COMMD10: variants seen among roughly 807,000 people sequenced by gnomAD.
COMMD10 encodes COMM domain containing 10, also known as COMM domain-containing protein 10.
COMMD10 carries 33 observed loss-of-function variants against 28.9 expected under a neutral mutation model. The observed-to-expected ratio is 1.14, with a 90% CI of 0.87 to 1.53. The LOEUF (loss-of-function observed/expected upper bound fraction) is 1.53. COMMD10 is among the 40% of genes most tolerant of loss of function. COMMD10 has a pLI of 0.00. For missense variants in COMMD10, 310 were observed against 233.4 expected (o/e 1.33, Z -2.14); for synonymous variants, 110 against 81.7 (o/e 1.35, Z -1.87).
chr5:116,222,132 A>AT (rs1749276215), intron 5 of COMMD10, among the ~76,000 whole-genome samples: 1 of 152,190 alleles, frequency 6.6e-6, no homozygotes, highest in Non-Finnish European at 1.5e-5. Context: ...TTAGGGAAGG[A>AT]CACAGAGCAT....
At position 116,209,126 on chromosome 5, in the gene COMMD10, TTTTC is replaced by T. The variant is rs574961604; in HGVS notation, c.510+74952_510+74955del. 2.6e-4 allele frequency among the ~76,000 whole-genome samples: 39 copies of T among 152,282 alleles called. No homozygotes were observed. The South Asian group carries it at 7.9e-3, about 31-fold the overall frequency. Reference sequence around the variant, plus strand: ...AGCGATACGTTTAGATCAACTTTTTTTTTCTTTTTGTTTGTAGTTTGCACATTAT... The same window carrying T: ...AGCGATACGTTTAGATCAACTTTTTTTTTTTGTTTGTAGTTTGCACATTAT... On this transcript the variant is annotated intron_variant, in intron 5 of 6. Transcript: ENST00000274458.
At chr5:116,145,792 C>A (rs562726148) in intron 5 of COMMD10, among the ~76,000 whole-genome samples, 6 of 151,814 alleles carry the variant, frequency 4.0e-5, no homozygotes, top group East Asian at 3.9e-4. Context: ...GGGGCTCTTA[C>A]CCCTTTGCTC....
intron 5 of COMMD10, among the ~76,000 whole-genome samples, chr5:116,219,389 G>A (rs1188522719): frequency 6.6e-6 from 1 of 152,116 alleles, no homozygotes; most frequent in Admixed American, 6.5e-5. Context: ...GACTGTGTAA[G>A]CATTACCTTA....
intron 5 of COMMD10, among the ~76,000 whole-genome samples, chr5:116,217,617 A>C (rs1406431799): frequency 6.6e-6 from 1 of 152,222 alleles, no homozygotes; most frequent in African/African-American, 2.4e-5. Context: ...CAATGACTGG[A>C]GGTCAGGTCC....
chr5:116,258,194 A>G (rs984200746), intron 5 of COMMD10, among the ~76,000 whole-genome samples: 1 of 151,698 alleles, frequency 6.6e-6, no homozygotes, highest in Non-Finnish European at 1.5e-5. Context: ...AATACATCCA[A>G]AACCTTTTCT....
chr5:116,192,135 C>G (rs573352127), intron 5 of COMMD10, among the ~76,000 whole-genome samples: 1 of 152,026 alleles, frequency 6.6e-6, no homozygotes, highest in Non-Finnish European at 1.5e-5. Flanking sequence ...CAAGGGAACA[C>G]CCCATGGGAC....
intron 4 of COMMD10, among the ~76,000 whole-genome samples, chr5:116,118,511 A>AT (rs201404838): frequency 6.0e-5 from 3 of 50,036 alleles, no homozygotes; most frequent in East Asian, 6.4e-4. Context: ...GAAGAGGGAT[A>AT]TTTTTTTTAT....
chr5:116,163,881 T>G (rs904819705), intron 5 of COMMD10, among the ~76,000 whole-genome samples: 1 of 152,154 alleles, frequency 6.6e-6, no homozygotes, highest in Admixed American at 6.5e-5. Context: ...TGTGTGAAAT[T>G]TATGTATATT....
At chr5:116,203,817 A>G (rs1748739974) in intron 5 of COMMD10, among the ~76,000 whole-genome samples, 1 of 152,142 alleles carries the variant, frequency 6.6e-6, no homozygotes, top group South Asian at 2.1e-4. Flanking sequence ...CGAGACTAGG[A>G]AGAAACTGCA....
rs919917571 is a variant in COMMD10, at chr5:116,244,045, A to G, written c.511-47472A>G. Among the ~76,000 whole-genome samples the G allele has an allele frequency of 5.9e-5, 9 of 152,218 alleles. No individual in the cohort carries two copies. The East Asian group carries it at 1.3e-3, about 23-fold the overall frequency. ...TAAAGATGTCTATACACACACACATATTATATATCTATATATCATGTATTT... is the reference window on the plus strand; with the variant it reads ...TAAAGATGTCTATACACACACACATGTTATATATCTATATATCATGTATTT... On this transcript the variant is annotated intron_variant, in intron 5 of 6. Coordinates refer to ENST00000274458, the MANE Select transcript of COMMD10 (RefSeq NM_016144.4).
chr5:116,105,723 T>C (rs1052450362), intron 4 of COMMD10, among the ~76,000 whole-genome samples: 3 of 152,236 alleles, frequency 2.0e-5, no homozygotes, highest in Non-Finnish European at 4.4e-5. Flanking sequence ...CCATTTCTTC[T>C]AGATTTTCTA....
intron 2 of COMMD10, among the ~76,000 whole-genome samples, chr5:116,089,196 A>G (rs1213699671): frequency 6.6e-6 from 1 of 152,160 alleles, no homozygotes; most frequent in African/African-American, 2.4e-5. Context: ...TAACTCATCT[A>G]ATCCGTATGG....
chr5:116,281,962 A>G (rs1389141953), intron 5 of COMMD10, among the ~76,000 whole-genome samples: 3 of 151,698 alleles, frequency 2.0e-5, no homozygotes, highest in Admixed American at 6.6e-5. Context: ...GGGCAATTTC[A>G]TGTACTTTCA....
chr5:116,283,207 A>T (rs1201471915), intron 5 of COMMD10, among the ~76,000 whole-genome samples: 1 of 151,898 alleles, frequency 6.6e-6, no homozygotes, highest in African/African-American at 2.4e-5. Context: ...CATTCTACCT[A>T]CAACAAAAAC....
At chr5:116,237,928 C>A (rs189773055) in intron 5 of COMMD10, among the ~76,000 whole-genome samples, 6 of 151,952 alleles carry the variant, frequency 3.9e-5, no homozygotes, top group Non-Finnish European at 8.8e-5. Flanking sequence ...AGAATGTCGT[C>A]GTTTCAAAGC....
intron 5 of COMMD10, among the ~76,000 whole-genome samples, chr5:116,221,040 C>G (rs1343886080): frequency 6.6e-6 from 1 of 151,244 alleles, no homozygotes; most frequent in Non-Finnish European, 1.5e-5. Flanking sequence ...TAGAAAACAA[C>G]TTGAACATTA....
chr5:116,089,174 G>T (rs966740336), intron 2 of COMMD10, among the ~76,000 whole-genome samples: 3 of 152,150 alleles, frequency 2.0e-5, no homozygotes, highest in African/African-American at 7.2e-5. Flanking sequence ...GGTGCTAATG[G>T]CTTTGTGTTA....
chr5:116,180,301 C>T (rs1747912932), intron 5 of COMMD10, among the ~76,000 whole-genome samples: 1 of 152,010 alleles, frequency 6.6e-6, no homozygotes, highest in Non-Finnish European at 1.5e-5. Context: ...AATAGTATAT[C>T]TAAATTTGTA....
intron 5 of COMMD10, among the ~76,000 whole-genome samples, chr5:116,231,972 C>G (rs1042394139): frequency 2.0e-5 from 3 of 152,154 alleles, no homozygotes; most frequent in Admixed American, 6.6e-5. Context: ...ACTTCTCACC[C>G]CCTCCATGGC....
Sources: allele counts gnomAD v4.1 joint callset (sites outside exome capture counted in the v4.1 genomes callset), GRCh38; gene constraint gnomAD v4.1.1; transcripts MANE v1.5; gene names NCBI Gene and HGNC (gene_info 2026-07-23, HGNC 2026-07-21).